PLCB4: variants seen among roughly 807,000 people sequenced by gnomAD.
PLCB4 encodes phospholipase C beta 4.
PLCB4 carries 77 observed loss-of-function variants against 178.8 expected under a neutral mutation model. The observed-to-expected ratio is 0.43, with a 90% CI of 0.36 to 0.52. The LOEUF (loss-of-function observed/expected upper bound fraction) is 0.52, where lower values mean the gene tolerates loss of function less well. Ranked by LOEUF, PLCB4 falls within the 20% of genes least tolerant of loss-of-function variation. The pLI, the probability that PLCB4 is intolerant of heterozygous loss-of-function variation, is 0.00. For missense variants in PLCB4, 1,024 were observed against 1,453.4 expected, an observed-to-expected ratio of 0.70 and a Z score of 4.80; for synonymous variants, 496 against 490.8, an observed-to-expected ratio of 1.01 and a Z score of -0.14.
intron 4 of PLCB4, among the ~76,000 whole-genome samples, chr20:9,322,160 T>C (rs983914284): frequency 3.4e-5 from 5 of 146,332 alleles, no homozygotes; most frequent in African/African-American, 1.3e-4. Flanking sequence ...GGTCTCACTA[T>C]GTTGACCAGG....
chr20:9,373,874 A>G (rs1207107389), intron 12 of PLCB4, among the ~76,000 whole-genome samples: 3 of 152,224 alleles, frequency 2.0e-5, no homozygotes, highest in South Asian at 2.1e-4. Context: ...AGTGAAACCC[A>G]TCAAGACTCT....
chr20:9,332,665 C>T (rs1256626661), intron 4 of PLCB4, among the ~76,000 whole-genome samples: 2 of 152,072 alleles, frequency 1.3e-5, no homozygotes, highest in Non-Finnish European at 2.9e-5. Flanking sequence ...ATTTTATGAG[C>T]TGGATGGGCA....
intron 2 of PLCB4, among the ~76,000 whole-genome samples, chr20:9,149,923 G>C (rs938493260): frequency 9.9e-5 from 15 of 152,172 alleles, no homozygotes; most frequent in Admixed American, 5.9e-4. Flanking sequence ...ATCTTAACAA[G>C]AGCCTTAGTT....
Position 9,088,996 on chromosome 20 carries a change from A to G in PLCB4, c.-134-7291A>G, listed in dbSNP as rs559993134. 2.6e-5 allele frequency among the ~76,000 whole-genome samples: 4 copies of G among 152,118 alleles called. No individual in the cohort carries two copies. In the South Asian group the frequency reaches 8.3e-4, roughly 32 times the overall value. On this transcript the variant is annotated intron_variant, in intron 1 of 39. Coordinates refer to ENST00000378473, the MANE Select transcript of PLCB4 (RefSeq NM_001377142.1). ...TATAATATATAAAATATAAAAATAT[A>G]CTTTAAGAGTTGGCAAATAATAAAT... is the stretch of plus-strand genomic sequence containing the variant.
intron 1 of PLCB4, among the ~76,000 whole-genome samples, chr20:9,070,515 T>C (rs1021271874): frequency 2.6e-5 from 4 of 152,176 alleles, no homozygotes; most frequent in African/African-American, 9.7e-5. Flanking sequence ...TGTTATGTAA[T>C]CCAGAATGCT....
At chr20:9,317,447 T>G (rs1294318919) in intron 4 of PLCB4, among the ~76,000 whole-genome samples, 2 of 152,162 alleles carry the variant, frequency 1.3e-5, no homozygotes, top group Non-Finnish European at 2.9e-5. Flanking sequence ...TGAAGTTTCT[T>G]TGGGCTTGCT....
intron 12 of PLCB4, among the ~76,000 whole-genome samples, chr20:9,379,826 TTC>T (rs930434136): frequency 1.3e-4 from 19 of 150,802 alleles, no homozygotes; most frequent in Non-Finnish European, 1.3e-4. Flanking sequence ...AAAAAATGTA[TTC>T]TCTCTCTCTC....
chr20:9,253,802 A>G (rs1324377804), intron 3 of PLCB4, among the ~76,000 whole-genome samples: 1 of 152,206 alleles, frequency 6.6e-6, no homozygotes, highest in African/African-American at 2.4e-5. Context: ...GAAGGTGCAC[A>G]TACCTCAAAA....
chr20:9,114,331 G>A (rs958048289), intron 2 of PLCB4, among the ~76,000 whole-genome samples: 3 of 152,182 alleles, frequency 2.0e-5, no homozygotes, highest in Admixed American at 6.5e-5. Context: ...TGCTAGGAAC[G>A]GAGAAGACAA....
At chr20:9,351,507 A>G (rs2034339766) in intron 7 of PLCB4, among the ~76,000 whole-genome samples, 1 of 152,174 alleles carries the variant, frequency 6.6e-6, no homozygotes. Flanking sequence ...GGATTCATTT[A>G]TTCATATTTA....
chr20:9,441,746 G>A (rs181872429), intron 30 of PLCB4, among the ~76,000 whole-genome samples: 11 of 152,264 alleles, frequency 7.2e-5, no homozygotes, highest in East Asian at 3.9e-4. Context: ...GCATTCAGAC[G>A]CTGGCAATTG....
chr20:9,116,434 A>G (rs796096344), intron 2 of PLCB4, among the ~76,000 whole-genome samples: 34 of 152,292 alleles, frequency 2.2e-4, no homozygotes, highest in Admixed American at 6.5e-4. Context: ...AAAAATGTAC[A>G]TATCTGCAAC....
At chr20:9,444,086 C>A in intron 31 of PLCB4, 56 bp downstream of exon 31, 2 of 1,430,630 alleles carry the variant, frequency 1.4e-6, no homozygotes, top group Non-Finnish European at 2.0e-6. Context: ...TTGGTGACAC[C>A]AATATATTTT....
At chr20:9,362,820 AATCT>A in intron 7 of PLCB4, 72 bp from the exon 8 acceptor site, 1 of 834,008 alleles carries the variant, frequency 1.2e-6, no homozygotes, top group South Asian at 1.4e-5. Flanking sequence ...AAATGGATAC[AATCT>A]ATCTAATAAA....
rs533300093 is a variant in PLCB4 at position 9,144,778 on chromosome 20, G to T, written c.-79+48436G>T. Among the ~76,000 whole-genome samples the T allele has an allele frequency of 3.7e-5, 5 of 134,008 alleles. No individual in the cohort carries two copies. In the East Asian group the frequency reaches 1.3e-3, roughly 34 times the overall value. The allele number at this position is 134,008 out of a possible 152,430, so 87.9% of individuals were successfully genotyped here. On this transcript the variant is annotated intron_variant, in intron 2 of 39. Transcript: ENST00000378473. Reference sequence around the variant, plus strand: ...AGGAGGGGAAGGAGGGGAATGAGGGGGAGGAGGGGTAGGAGGAGAAGGAGA... The same window carrying T: ...AGGAGGGGAAGGAGGGGAATGAGGGTGAGGAGGGGTAGGAGGAGAAGGAGA...
At chr20:9,346,629 T>G (rs2033820938) in intron 7 of PLCB4, among the ~76,000 whole-genome samples, 1 of 152,158 alleles carries the variant, frequency 6.6e-6, no homozygotes, top group Admixed American at 6.5e-5. Context: ...TTCTTGTTAA[T>G]TGTTTTTCTT....
rs1362309585 is a variant in PLCB4, at chr20:9,082,444, C to T, written c.-135+13238C>T. 3.3e-5 allele frequency among the ~76,000 whole-genome samples: 5 copies of T among 152,242 alleles called. No individual in the cohort carries two copies. The South Asian group carries it at 6.2e-4, about 19-fold the overall frequency. ...TCTTTGACAGTCTTCACCAGGCCCC[C>T]CTCCCCAAGCTTGGAGCATTAATAG... On this transcript the variant is annotated intron_variant, in intron 1 of 39. Coordinates refer to ENST00000378473, the MANE Select transcript of PLCB4 (RefSeq NM_001377142.1).
intron 12 of PLCB4, among the ~76,000 whole-genome samples, chr20:9,377,892 A>G (rs1210589808): frequency 6.6e-6 from 1 of 152,174 alleles, no homozygotes; most frequent in Non-Finnish European, 1.5e-5. Flanking sequence ...TGATTCTTAT[A>G]CTTGAGCACA....
At position 9,380,180 on chromosome 20, in the gene PLCB4, AG is replaced by A; in HGVS notation, c.853+20del. ...GAAAAAAGGTAATAAACATGAAAAAAGGACTTAAAAAAAAAAACAAGAAAAG... is the reference window on the plus strand; with the variant it reads ...GAAAAAAGGTAATAAACATGAAAAAAGACTTAAAAAAAAAAACAAGAAAAG... On this transcript the variant is annotated intron_variant, in intron 13 of 39. Coordinates refer to ENST00000378473, the MANE Select transcript of PLCB4 (RefSeq NM_001377142.1). The A allele has an allele frequency of 8.2e-7, 1 of 1,220,868 alleles. No homozygotes were observed. The highest frequency in any genetic ancestry group is 1.2e-6 in the Non-Finnish European group (1 of 862,990). 75.6% of individuals were successfully genotyped at this position (1,220,868 alleles called of 1,614,324 possible).
Sources: gnomAD v4.1 joint callset for allele counts (sites outside exome capture counted in the v4.1 genomes callset) on GRCh38, gnomAD v4.1.1 for gene constraint, MANE v1.5 for transcripts, NCBI Gene and HGNC (gene_info 2026-07-23, HGNC 2026-07-21) for gene names.